The following WIZ variants were observed in gnomAD, a reference collection of about 807,000 sequenced individuals.
The protein encoded by WIZ is WIZ zinc finger, also known as protein Wiz.
WIZ carries 25 observed loss-of-function variants against 140.2 expected under a neutral mutation model. The ratio of observed to expected loss-of-function variants is 0.18; its 90% CI spans 0.13 to 0.25. The LOEUF is 0.25. Among genes scored for constraint, WIZ ranks in the 10% least tolerant of loss-of-function variants. The pLI is 1.00. For synonymous variants in WIZ, 1,125 were observed against 1,154.3 expected (o/e 0.97, Z 0.51); for missense variants, 2,231 against 2,632.6 (o/e 0.85, Z 3.34).
chr19:15,437,425 A>C (rs1326744548), intron 4 of WIZ, among the ~76,000 whole-genome samples: 3 of 152,212 alleles, frequency 2.0e-5, no homozygotes, highest in Non-Finnish European at 2.9e-5. Flanking sequence ...GCTCTTTGGG[A>C]GGCCAAGCGG....
chr19:15,422,958 T>G lies in WIZ; in HGVS notation c.*118A>C. ...GTGCCCGGCCCCCAAGGGGCGCCGG[T>G]TTGAGGTTTTGGCTTGCTCCTTTGG... On this transcript the variant is annotated 3_prime_UTR_variant, in exon 13 of 13. Coordinates refer to ENST00000673675, the MANE Select transcript of WIZ (RefSeq NM_001371589.1). 4.9e-6 allele frequency: 7 copies of G among 1,425,496 alleles called. No individual in the cohort carries two copies. Among genetic ancestry groups the G allele is most frequent in the African/African-American group, 1.4e-5 (1 of 69,908 alleles). The allele number at this position is 1,425,496 out of a possible 1,614,324, so 88.3% of individuals were successfully genotyped here. A position where few individuals can be genotyped will look rare whatever the true frequency, so the allele number is the denominator to read the frequency against.
intron 7 of WIZ, 96 bp downstream of exon 7, chr19:15,429,490 A>AGGGG: frequency 6.0e-6 from 2 of 335,314 alleles, no homozygotes; most frequent in Non-Finnish European, 1.0e-5. Flanking sequence ...CACCGCCCCC[A>AGGGG]CCCACCCTGG....
rs760550569 is a variant in WIZ, at chr19:15,425,036, C to A, written c.4895-4G>T. On this transcript the variant is annotated splice_polypyrimidine_tract_variant and splice_region_variant and intron_variant, in intron 10 of 12. Transcript: ENST00000673675. ...AGCTCGCAGCAGGCCTCGGTGGCTG[C>A]GGGGCGGAGGGGGTGCTGCTGAGTC... The A allele has an allele frequency of 1.3e-6, 2 of 1,569,216 alleles. No homozygotes were observed. Among genetic ancestry groups the A allele is most frequent in the Admixed American group, 1.8e-5 (1 of 55,602 alleles).
intron 2 of WIZ, among the ~76,000 whole-genome samples, chr19:15,446,781 T>C (rs1352601103): frequency 6.6e-6 from 1 of 152,230 alleles, no homozygotes; most frequent in Non-Finnish European, 1.5e-5. Context: ...CACGGTATCA[T>C]AACATCTGTC....
Position 15,427,545 on chromosome 19 carries a change from G to C in WIZ, c.3815-12C>G, listed in dbSNP as rs764961408. On this transcript the variant is annotated splice_polypyrimidine_tract_variant and intron_variant, in intron 8 of 12. Transcript: ENST00000673675. This position sits in a 1 kb window ranked among gnomAD's most constrained non-coding sequence, Gnocchi z 6.4. ...CTCTGGGCCTGAGGCTGCAGCAGGA[G>C]GAGAAAGGGGCAGTTAGCATCGTGG... The C allele has an allele frequency of 6.3e-7, 1 of 1,598,614 alleles. No homozygotes were observed.
At chr19:15,429,343 C>T (rs1339911354) in intron 7 of WIZ, among the ~76,000 whole-genome samples, 5 of 152,228 alleles carry the variant, frequency 3.3e-5, no homozygotes, top group Admixed American at 6.5e-5. Context: ...GCTCATCAGC[C>T]GCAGTGAGGC....
Position 15,428,213 on chromosome 19 carries a change from C to T in WIZ, c.3711G>A (p.Lys1237=). ...PPPPAKKAKL[K]AAGMASPWGK... ...CCCAGGGGCTGGCCATACCCGCGGC[C>T]TTCAGCTTGGCCTTCTTGGCCGGCG... Residue 1237 remains lysine (K), a synonymous_variant, in exon 8 of 13, where the codon AAG becomes AAA. Transcript: ENST00000673675. This position sits in a 1 kb window ranked among gnomAD's most constrained non-coding sequence, Gnocchi z 6.4. 1 of 1,533,594 alleles carries T rather than the reference C, an allele frequency of 6.5e-7. No individual in the cohort carries two copies. Among genetic ancestry groups the T allele is most frequent in the Non-Finnish European group, 8.7e-7 (1 of 1,146,418 alleles). The allele number at this position is 1,533,594 out of a possible 1,614,324, so 95.0% of individuals were successfully genotyped here. A position where few individuals can be genotyped will look rare whatever the true frequency, so the allele number is the denominator to read the frequency against.
At position 15,448,236 on chromosome 19, in the gene WIZ, C is replaced by T. The variant is rs375889342; in HGVS notation, c.72G>A (p.Pro24=). 2.7e-5 allele frequency: 43 copies of T among 1,613,456 alleles called. No homozygotes were observed. Among genetic ancestry groups the T allele is most frequent in the Admixed American group, 1.2e-4 (7 of 59,964 alleles). ...CACCCTCGATGTTCTCCCTTGGCGC[C>T]GGGCCAGGCAGTCTCTCTGGGCCTT... The part of the protein sequence containing the change: ...RPQGPERLPG[P]APRENIEGGA... The change falls in exon 2 of 13, where the codon CCG becomes CCA. Residue 24 remains proline (P), a synonymous_variant. Transcript: ENST00000673675.
At chr19:15,448,847 C>G (rs1970010487) in intron 1 of WIZ, among the ~76,000 whole-genome samples, 1 of 152,086 alleles carries the variant, frequency 6.6e-6, no homozygotes, top group Non-Finnish European at 1.5e-5. Context: ...TACCCCTTTA[C>G]TTTTCTCCAT....
intron 1 of WIZ, among the ~76,000 whole-genome samples, chr19:15,448,758 C>G (rs147577467): frequency 6.6e-6 from 1 of 152,266 alleles, no homozygotes; most frequent in African/African-American, 2.4e-5. Context: ...CATCCTACTG[C>G]CATGCCTTCG....
At position 15,427,364 on chromosome 19, in the gene WIZ, T is replaced by C. The variant is rs1273845242; in HGVS notation, c.3984A>G (p.Arg1328=). Reference sequence around the variant, plus strand: ...GTCCACCAGGCCGAGACTGGGTCCGTCTCTTCAGGATCTCCCGCAGCGTGT... The same window carrying C: ...GTCCACCAGGCCGAGACTGGGTCCGCCTCTTCAGGATCTCCCGCAGCGTGT... ...PIDTLREILK[R]RTQSRPGGPP... Residue 1328 remains arginine, a synonymous_variant, in exon 9 of 13, where the codon AGA becomes AGG. Transcript: ENST00000673675. This position sits in a 1 kb window ranked among gnomAD's most constrained non-coding sequence, Gnocchi z 6.4. 2 of 1,613,450 alleles carry C rather than the reference T, an allele frequency of 1.2e-6. No individual in the cohort carries two copies. Among genetic ancestry groups the C allele is most frequent in the East Asian group, 2.2e-5 (1 of 44,860 alleles).
In WIZ at chr19:15,429,650, G is replaced by A. The variant is rs1969091688; in HGVS notation, c.3351C>T (p.Ser1117=). Residue 1117 remains serine (S), a synonymous_variant, in exon 7 of 13, where the codon AGC becomes AGT. Coordinates refer to ENST00000673675, the MANE Select transcript of WIZ (RefSeq NM_001371589.1). ...PEDKSPQLSL[S]PRPASPKAQW... ...GTGCCTTTGGGGAGGCCGGCCGGGG[G>A]CTCAGGGACAGCTGGGGGCTCTTGT... 1.4e-6 allele frequency: 2 copies of A among 1,421,788 alleles called. No individual in the cohort carries two copies. Among genetic ancestry groups the A allele is most frequent in the South Asian group, 1.5e-5 (1 of 65,216 alleles). 88.1% of individuals were successfully genotyped at this position (1,421,788 alleles called of 1,614,324 possible). A position where few individuals can be genotyped will look rare whatever the true frequency, so the allele number is the denominator to read the frequency against.
intron 3 of WIZ, among the ~76,000 whole-genome samples, chr19:15,441,879 T>C (rs1969758397): frequency 6.6e-6 from 1 of 152,118 alleles, no homozygotes; most frequent in African/African-American, 2.4e-5. Flanking sequence ...GAGCTATTAG[T>C]AATCCTGATA....
chr19:15,436,591 C>G, intron 5 of WIZ: 2 of 513,122 alleles, frequency 3.9e-6, no homozygotes, highest in Non-Finnish European at 6.6e-6. Flanking sequence ...TAGTGAAAAA[C>G]TGGATCCAGA....
chr19:15,435,291 G>A (rs905991367), intron 5 of WIZ, among the ~76,000 whole-genome samples: 1 of 151,908 alleles, frequency 6.6e-6, no homozygotes, highest in Non-Finnish European at 1.5e-5. Context: ...AGGCATAAAT[G>A]AGATTTAACA....
rs1968371251 is a variant in WIZ, at chr19:15,421,591, T to C, written c.*1485A>G. The C allele has an allele frequency of 6.6e-6, 1 of 152,204 alleles. No homozygotes were observed. Among genetic ancestry groups the C allele is most frequent in the Non-Finnish European group, 1.5e-5 (1 of 68,024 alleles). The allele number at this position is 152,204 out of a possible 1,614,324, so 9.4% of individuals were successfully genotyped here. A position where few individuals can be genotyped will look rare whatever the true frequency, so the allele number is the denominator to read the frequency against. ...AACATTTGCAGAGCGAGAAAATAAA[T>C]AACATCGCAAAGGAGCCAGTGGCTC... is the stretch of plus-strand genomic sequence containing the variant. On this transcript the variant is annotated 3_prime_UTR_variant, in exon 13 of 13. Coordinates refer to ENST00000673675, the MANE Select transcript of WIZ (RefSeq NM_001371589.1).
Position 15,424,861 on chromosome 19 carries a change from G to A in WIZ, c.5066C>T (p.Ala1689Val), listed in dbSNP as rs1267949961. 2 of 1,611,124 alleles carry A rather than the reference G, an allele frequency of 1.2e-6. No individual in the cohort carries two copies. Among genetic ancestry groups the A allele is most frequent in the Middle Eastern group, 1.7e-4 (1 of 6,032 alleles). ...WIKHRPQKVG[A>V]YRSYIQGGRP... Reference sequence around the variant, plus strand: ...GCCGCCCTGGATGTAGCTGCGGTAGGCGCCCACCTTCTGGGGCCGGTGTTT... The same window carrying A: ...GCCGCCCTGGATGTAGCTGCGGTAGACGCCCACCTTCTGGGGCCGGTGTTT... The change falls in exon 11 of 13, where the codon GCC becomes GTC. Residue 1689 changes from alanine to valine, a missense_variant. Physicochemically the swap from Ala to Val is moderately conservative, Grantham distance 64. Transcript: ENST00000673675. This position sits in a 1 kb window ranked among gnomAD's most constrained non-coding sequence, Gnocchi z 9.7.
chr19:15,445,908 G>A (rs1969903432), intron 2 of WIZ, among the ~76,000 whole-genome samples: 1 of 152,102 alleles, frequency 6.6e-6, no homozygotes, highest in Non-Finnish European at 1.5e-5. Flanking sequence ...CCAGGCTTTG[G>A]GGTGGAATAG....
At chr19:15,441,448 G>A (rs979920678) in intron 3 of WIZ, among the ~76,000 whole-genome samples, 5 of 152,316 alleles carry the variant, frequency 3.3e-5, no homozygotes, top group Admixed American at 1.3e-4. Context: ...AACAAAAGGT[G>A]CTTGCAACAC....
Sources: gnomAD v4.1 joint callset for allele counts (sites outside exome capture counted in the v4.1 genomes callset) on GRCh38, gnomAD v4.1.1 for gene constraint, Gnocchi (gnomAD v3.1) non-coding constraint, MANE v1.5 for transcripts, NCBI Gene and HGNC (gene_info 2026-07-23, HGNC 2026-07-21) for gene names.